The following HYCC2 variants were observed in gnomAD, a reference collection of about 807,000 sequenced individuals.
HYCC2 encodes the protein hyccin PI4KA lipid kinase complex subunit 2, also known as hyccin 2.
chr2:201,064,364 G>A, the HYCC2 span, among the ~76,000 whole-genome samples: 1 of 151,936 alleles, frequency 6.6e-6, no homozygotes, highest in Non-Finnish European at 1.5e-5. Flanking sequence ...TGATCGTGAC[G>A]CTGAATAAAT....
At chr2:200,974,804 T>TA in the HYCC2 span, 8 of 151,932 alleles carry the variant, frequency 5.3e-5, no homozygotes, top group East Asian at 1.9e-4. Flanking sequence ...CTATACATTT[T>TA]AAAAAAATGA....
the HYCC2 span, among the ~76,000 whole-genome samples, chr2:201,048,503 G>T: frequency 2.9e-5 from 4 of 139,314 alleles, no homozygotes; most frequent in African/African-American, 3.0e-5. Flanking sequence ...AATTTTTTTT[G>T]CAATTTTTTT....
chr2:201,033,443 G>A, the HYCC2 span, among the ~76,000 whole-genome samples: 5 of 150,060 alleles, frequency 3.3e-5, no homozygotes, highest in Middle Eastern at 3.2e-3. Flanking sequence ...TCCCTCTATC[G>A]CCCAGACTGG....
chr2:201,031,764 TATG>T, the HYCC2 span, among the ~76,000 whole-genome samples: 1 of 152,194 alleles, frequency 6.6e-6, no homozygotes, highest in South Asian at 2.1e-4. Context: ...TATTTTAGAA[TATG>T]ATATTAGATT....
At chr2:201,060,067 G>GGGGTT in the HYCC2 span, among the ~76,000 whole-genome samples, 1 of 108,118 alleles carries the variant, frequency 9.2e-6, no homozygotes, top group Non-Finnish European at 1.9e-5. Flanking sequence ...GGGGGGGGGG[G>GGGGTT]TTCTTCTTAC....
the HYCC2 span, chr2:201,023,739 C>T: frequency 1.3e-5 from 5 of 371,808 alleles, no homozygotes; most frequent in African/African-American, 1.0e-4. Flanking sequence ...CAACTATTTT[C>T]ATCTTTATGT....
At chr2:201,049,381 G>A in the HYCC2 span, among the ~76,000 whole-genome samples, 6 of 151,738 alleles carry the variant, frequency 4.0e-5, no homozygotes, top group South Asian at 2.1e-4. Context: ...ACGGAGTCTC[G>A]CTCTATCGCC....
At chr2:201,005,634 G>A in the HYCC2 span, among the ~76,000 whole-genome samples, 1 of 152,112 alleles carries the variant, frequency 6.6e-6, no homozygotes, top group Non-Finnish European at 1.5e-5. Context: ...TAGCACATTA[G>A]TTCTTTATAT....
the HYCC2 span, among the ~76,000 whole-genome samples, chr2:201,049,123 TAAA>T: frequency 2.3e-5 from 3 of 129,224 alleles, no homozygotes; most frequent in Admixed American, 7.9e-5. Flanking sequence ...GACTCTGTCT[TAAA>T]AAAAAAAAAA....
At chr2:201,066,279 G>C in the HYCC2 span, among the ~76,000 whole-genome samples, 1 of 152,142 alleles carries the variant, frequency 6.6e-6, no homozygotes, top group East Asian at 1.9e-4. Flanking sequence ...TCACCATGTT[G>C]GCCAGGCTGG....
At chr2:200,986,306 C>T in the HYCC2 span, among the ~76,000 whole-genome samples, 1 of 152,130 alleles carries the variant, frequency 6.6e-6, no homozygotes, top group Non-Finnish European at 1.5e-5. Flanking sequence ...TTCTAATGCA[C>T]CAAAGAGCAA....
At chr2:200,987,258 C>T in the HYCC2 span, 1 of 1,016,420 alleles carries the variant, frequency 9.8e-7, no homozygotes, top group South Asian at 1.6e-5. Flanking sequence ...CCCTGGGGTA[C>T]TAGAAACACA....
the HYCC2 span, among the ~76,000 whole-genome samples, chr2:201,010,642 A>G: frequency 6.6e-6 from 1 of 152,158 alleles, no homozygotes; most frequent in Non-Finnish European, 1.5e-5. Flanking sequence ...GAAATACAAC[A>G]ATTAGAGTGT....
chr2:201,042,776 G>T, the HYCC2 span, among the ~76,000 whole-genome samples: 1 of 151,268 alleles, frequency 6.6e-6, no homozygotes, highest in African/African-American at 2.4e-5. Flanking sequence ...CGTCTGGGAG[G>T]TGGGGGGCGC....
the HYCC2 span, chr2:201,063,701 G>T: frequency 3.2e-6 from 5 of 1,576,818 alleles, no homozygotes; most frequent in Non-Finnish European, 4.3e-6. Context: ...CTTTGGTGGT[G>T]GTCGTGGAGG....
At chr2:201,056,503 C>T in the HYCC2 span, among the ~76,000 whole-genome samples, 1 of 151,922 alleles carries the variant, frequency 6.6e-6, no homozygotes, top group African/African-American at 2.4e-5. Context: ...GAAGAAACCC[C>T]ATCTCTACTA....
At chr2:201,026,184 C>A in the HYCC2 span, among the ~76,000 whole-genome samples, 1 of 152,100 alleles carries the variant, frequency 6.6e-6, no homozygotes, top group Non-Finnish European at 1.5e-5. Flanking sequence ...ATAAAACAGA[C>A]TTTAAACCAA....
the HYCC2 span, among the ~76,000 whole-genome samples, chr2:201,011,131 C>T: frequency 4.6e-5 from 7 of 151,666 alleles, no homozygotes; most frequent in Non-Finnish European, 1.0e-4. Context: ...AGGGACAGAG[C>T]GAGACTCCAT....
the HYCC2 span, among the ~76,000 whole-genome samples, chr2:201,056,440 T>C: frequency 2.6e-5 from 4 of 152,248 alleles, no homozygotes; most frequent in African/African-American, 4.8e-5. Context: ...TTTGCGAGGC[T>C]GAGGCAGACG....
Sources: gnomAD v4.1 joint callset for allele counts (sites outside exome capture counted in the v4.1 genomes callset) on GRCh38, gnomAD v4.1.1 for gene constraint, MANE v1.5 for transcripts, NCBI Gene and HGNC (gene_info 2026-07-23, HGNC 2026-07-21) for gene names.